Variants in BEND5 observed in about 807,000 individuals in gnomAD.
BEND5 encodes BEN domain containing 5.
In BEND5, 22 loss-of-function variants were observed where a neutral mutation model predicts 43.9. That is an observed-to-expected ratio of 0.50 (90% confidence interval 0.36 to 0.72). BEND5 has a LOEUF of 0.72. Ranked by LOEUF, BEND5 falls within the 30% of genes least tolerant of loss-of-function variation. The probability of loss-of-function intolerance (pLI) is 0.00; values close to 1 mark genes in which losing one functional copy is unlikely to be tolerated. For missense variants in BEND5, 428 were observed against 550.6 expected (o/e 0.78, Z 2.23); for synonymous variants, 228 against 225.9 (o/e 1.01, Z -0.08).
chr1:48,764,726 A>G (rs1644447764), intron 1 of BEND5, among the ~76,000 whole-genome samples: 1 of 152,248 alleles, frequency 6.6e-6, no homozygotes, highest in Non-Finnish European at 1.5e-5. Context: ...CTGCTACCTC[A>G]CTGAGCATAA....
chr1:48,758,163 G>A (rs528836479), intron 3 of BEND5, among the ~76,000 whole-genome samples: 7 of 152,174 alleles, frequency 4.6e-5, no homozygotes, highest in Non-Finnish European at 8.8e-5. Flanking sequence ...AGTTTTATAC[G>A]TCTTTATATT....
chr1:48,752,837 C>A (rs1294529255), intron 3 of BEND5, among the ~76,000 whole-genome samples: 2 of 152,112 alleles, frequency 1.3e-5, no homozygotes, highest in Non-Finnish European at 2.9e-5. Context: ...GCAACCTCTG[C>A]TTCCCGGGTT....
At position 48,762,579 on chromosome 1, in the gene BEND5, G is replaced by A. The variant is rs142319832; in HGVS notation, c.227-1109C>T. 2.1e-3 allele frequency among the ~76,000 whole-genome samples: 324 copies of A among 151,076 alleles called. 1 individual carries two copies. Among genetic ancestry groups the A allele is most frequent in the South Asian group, 4.0e-3 (19 of 4,786 alleles). ...TGCCCAATGTTGGATGTAGCATATG[G>A]CCAGGTAGTTAGTTAAATCCAGTCT... is the stretch of plus-strand genomic sequence containing the variant. On this transcript the variant is annotated intron_variant, in intron 1 of 5. Coordinates refer to ENST00000371833, the MANE Select transcript of BEND5 (RefSeq NM_024603.4).
At chr1:48,761,225 G>C in intron 2 of BEND5, 112 bp downstream of exon 2, 1 of 1,182,378 alleles carries the variant, frequency 8.5e-7, no homozygotes, top group East Asian at 2.6e-5. Context: ...ATCATAGCCT[G>C]TGATACCAGG....
chr1:48,761,618 C>G (rs1570563186), intron 1 of BEND5, 148 bp from the exon 2 acceptor site: 1 of 792,642 alleles, frequency 1.3e-6, no homozygotes, highest in East Asian at 2.7e-5. Flanking sequence ...CTGGTTCCCT[C>G]TTGCATGCAG....
intron 1 of BEND5, 39 bp downstream of exon 1, chr1:48,776,567 C>A: frequency 6.6e-6 from 9 of 1,357,822 alleles, no homozygotes; most frequent in South Asian, 1.7e-5. Context: ...TCCCAGCCCC[C>A]GCCCGGGTCC....
chr1:48,758,838 A>C, intron 3 of BEND5, 62 bp downstream of exon 3: 1 of 1,387,298 alleles, frequency 7.2e-7, no homozygotes, highest in Non-Finnish European at 9.6e-7. Context: ...CCTTCCTGGA[A>C]GAGGATCTGC....
intron 1 of BEND5, among the ~76,000 whole-genome samples, chr1:48,762,614 T>G (rs1934396): frequency 1.6e-3 from 117 of 75,172 alleles, no homozygotes; most frequent in South Asian, 0.012. Flanking sequence ...TTTAAGGGTT[T>G]TGTGTGTGTG....
chr1:48,734,426 C>A (rs1648679965), intron 5 of BEND5, among the ~76,000 whole-genome samples: 1 of 152,212 alleles, frequency 6.6e-6, no homozygotes. Flanking sequence ...TCACCAAGAG[C>A]ACTGTATCAG....
At chr1:48,735,265 T>C (rs1352749521) in intron 5 of BEND5, among the ~76,000 whole-genome samples, 4 of 152,174 alleles carry the variant, frequency 2.6e-5, no homozygotes, top group African/African-American at 9.7e-5. Flanking sequence ...GTAGAGTAAC[T>C]AGTTGTTTTT....
intron 3 of BEND5, among the ~76,000 whole-genome samples, chr1:48,755,728 T>C (rs1469039897): frequency 6.6e-6 from 1 of 152,202 alleles, no homozygotes; most frequent in African/African-American, 2.4e-5. Flanking sequence ...CTTCAGACGC[T>C]AATCTCTCTC....
chr1:48,764,371 C>A (rs564143935), intron 1 of BEND5, among the ~76,000 whole-genome samples: 1 of 152,184 alleles, frequency 6.6e-6, no homozygotes, highest in African/African-American at 2.4e-5. Context: ...GTGTTAAAAA[C>A]TTGAGCAGAG....
chr1:48,729,056 T>C (rs1277575702), intron 5 of BEND5, among the ~76,000 whole-genome samples: 1 of 152,162 alleles, frequency 6.6e-6, no homozygotes, highest in Non-Finnish European at 1.5e-5. Flanking sequence ...CTGGTGCAAC[T>C]CACTGCCCTA....
chr1:48,738,507 T>G (rs1476712668), intron 4 of BEND5, among the ~76,000 whole-genome samples: 2 of 152,236 alleles, frequency 1.3e-5, no homozygotes, highest in African/African-American at 4.8e-5. Context: ...AGACTGGGCA[T>G]GCTGGGGACA....
chr1:48,762,516 T>C lies in BEND5; in HGVS notation c.227-1046A>G, dbSNP rs544896469. Among the ~76,000 whole-genome samples, 20 of 152,258 alleles carry C rather than the reference T, an allele frequency of 1.3e-4. No homozygotes were observed. The South Asian group carries it at 4.2e-3, about 32-fold the overall frequency. On this transcript the variant is annotated intron_variant, in intron 1 of 5. Coordinates refer to ENST00000371833, the MANE Select transcript of BEND5 (RefSeq NM_024603.4). ...TGCTGTTTCTCATAGTCCTCAAAGG[T>C]TCCCACTGGTGTATCCCAAATGCGT...
chr1:48,758,642 C>G (rs968931282), intron 3 of BEND5, among the ~76,000 whole-genome samples: 4 of 152,202 alleles, frequency 2.6e-5, no homozygotes, highest in African/African-American at 9.6e-5. Context: ...TGAGCAGTGA[C>G]AAATATTTTG....
chr1:48,748,421 T>C (rs1256139426), intron 3 of BEND5, among the ~76,000 whole-genome samples: 4 of 152,216 alleles, frequency 2.6e-5, no homozygotes, highest in African/African-American at 2.4e-5. Flanking sequence ...AGTGCTTCAC[T>C]GTCCAGCAGT....
In BEND5 at chr1:48,776,725, T is replaced by A; in HGVS notation, c.107A>T (p.Lys36Met). 3 of 1,528,942 alleles carry A rather than the reference T, an allele frequency of 2.0e-6. No homozygotes were observed. The highest frequency in any genetic ancestry group is 2.6e-5 in the East Asian group (1 of 38,008). The allele number at this position is 1,528,942 out of a possible 1,614,324, so 94.7% of individuals were successfully genotyped here. A position where few individuals can be genotyped will look rare whatever the true frequency, so the allele number is the denominator to read the frequency against. ...PRSRLDFDNQKVYAVYRGPEE... is the reference protein window; with the variant it reads ...PRSRLDFDNQMVYAVYRGPEE... ...CGGGCCCCGGTACACGGCGTACACCTTCTGGTTGTCAAAATCCAGCCGCGA... is the reference window on the plus strand; with the variant it reads ...CGGGCCCCGGTACACGGCGTACACCATCTGGTTGTCAAAATCCAGCCGCGA... Residue 36 changes from lysine (K) to methionine (M), a missense_variant, in exon 1 of 6, where the codon AAG becomes ATG. Physicochemically the swap from Lys to Met is moderately conservative, Grantham distance 95 (BLOSUM62 -1). Transcript: ENST00000371833.
intron 4 of BEND5, among the ~76,000 whole-genome samples, chr1:48,740,676 T>A (rs1649779730): frequency 6.6e-6 from 1 of 152,130 alleles, no homozygotes; most frequent in African/African-American, 2.4e-5. Flanking sequence ...AGGACAAAAA[T>A]CATTTCCTAC....
Sources: allele counts gnomAD v4.1 joint callset (sites outside exome capture counted in the v4.1 genomes callset), GRCh38; gene constraint gnomAD v4.1.1; transcripts MANE v1.5; gene names NCBI Gene and HGNC (gene_info 2026-07-23, HGNC 2026-07-21).